The following SSB variants were observed in gnomAD, a reference collection of about 807,000 sequenced individuals.
SSB encodes the protein small RNA binding exonuclease protection factor La, also known as lupus La protein.
A neutral mutation model predicts 52.9 loss-of-function variants in SSB; 17 were observed. That is an observed-to-expected ratio of 0.32 (90% confidence interval 0.22 to 0.48). The LOEUF (loss-of-function observed/expected upper bound fraction) is 0.48. Among genes scored for constraint, SSB ranks in the 20% least tolerant of loss-of-function variants. The pLI, the probability that SSB is intolerant of heterozygous loss-of-function variation, is 0.99. For missense variants in SSB, 314 were observed against 463.6 expected (o/e 0.68, Z 2.96); for synonymous variants, 111 against 152.1 (o/e 0.73, Z 1.99).
intron 2 of SSB, among the ~76,000 whole-genome samples, chr2:169,802,176 ACT>A (rs1160373145): frequency 6.6e-6 from 1 of 152,060 alleles, no homozygotes; most frequent in Non-Finnish European, 1.5e-5. Flanking sequence ...AGAGCGAGAC[ACT>A]GTTTCAGGGG....
At position 169,808,896 on chromosome 2, in the gene SSB, T is replaced by C; in HGVS notation, c.663T>C (p.Ala221=). 1.3e-6 allele frequency: 2 copies of C among 1,598,828 alleles called. No homozygotes were observed. The highest frequency in any genetic ancestry group is 1.7e-6 in the Non-Finnish European group (2 of 1,166,630). The change falls in exon 8 of 12, where the codon GCT becomes GCC. Residue 221 remains alanine, a synonymous_variant. Transcript: ENST00000260956. ...CAAAACAAAAGTTAGAAGAAGATGC[T>C]GAAATGGTAAGTATATATTACTGCT... is the stretch of plus-strand genomic sequence containing the variant. ...QEAKQKLEED[A]EMKSLEEKIG...
chr2:169,804,570 G>GGAA (rs1689786475), intron 2 of SSB, among the ~76,000 whole-genome samples: 1 of 150,836 alleles, frequency 6.6e-6, no homozygotes, highest in Non-Finnish European at 1.5e-5. Flanking sequence ...TTTTTGAGAT[G>GGAA]GAGTCTCACT....
chr2:169,803,044 A>G (rs1689744458), intron 2 of SSB, among the ~76,000 whole-genome samples: 4 of 152,170 alleles, frequency 2.6e-5, no homozygotes, highest in Admixed American at 2.6e-4. Flanking sequence ...TGGCTCAAGG[A>G]TTATGCACAT....
intron 2 of SSB, among the ~76,000 whole-genome samples, chr2:169,803,831 C>A (rs1057099015): frequency 6.6e-6 from 1 of 151,890 alleles, no homozygotes; most frequent in Non-Finnish European, 1.5e-5. Flanking sequence ...CTCCACCTCC[C>A]GGGTTCAAGC....
In SSB at chr2:169,811,589, AT is replaced by A. The variant is rs761106598; in HGVS notation, c.1139-77del. 3.5e-5 allele frequency: 54 copies of A among 1,538,954 alleles called. No homozygotes were observed. The East Asian group carries it at 7.3e-4, about 21-fold the overall frequency. ...TTGTTGCATCTTTTTCAACAGTATCATTATTAGTAATTGTGCTCAGTATTAA... is the reference window on the plus strand; with the variant it reads ...TTGTTGCATCTTTTTCAACAGTATCATATTAGTAATTGTGCTCAGTATTAA... On this transcript the variant is annotated intron_variant, in intron 11 of 11. Transcript: ENST00000260956.
chr2:169,808,990 C>T lies in SSB; in HGVS notation c.669+88C>T, dbSNP rs536989038. The T allele has an allele frequency of 9.7e-5, 102 of 1,056,624 alleles. 1 individual carries two copies. The highest frequency in any genetic ancestry group is 2.0e-4 in the Middle Eastern group (1 of 4,952). 65.5% of individuals were successfully genotyped at this position (1,056,624 alleles called of 1,614,324 possible). On this transcript the variant is annotated intron_variant, in intron 8 of 11. Coordinates refer to ENST00000260956, the MANE Select transcript of SSB (RefSeq NM_003142.5). ...GTCTGAGGACTTTTTCAAGAAAATA[C>T]GTAAGCAAAGCTATCTATAGTTGTT...
At position 169,808,911 on chromosome 2, in the gene SSB, A is replaced by C; in HGVS notation, c.669+9A>C. 6.3e-7 allele frequency: 1 copy of C among 1,595,616 alleles called. No individual in the cohort carries two copies. Among genetic ancestry groups the C allele is most frequent in the Non-Finnish European group, 8.6e-7 (1 of 1,163,716 alleles). On this transcript the variant is annotated intron_variant, in intron 8 of 11. Coordinates refer to ENST00000260956, the MANE Select transcript of SSB (RefSeq NM_003142.5). ...AAGAAGATGCTGAAATGGTAAGTAT[A>C]TATTACTGCTATCTAGTACATCTGT...
At chr2:169,802,191 G>A (rs894790907) in intron 2 of SSB, among the ~76,000 whole-genome samples, 2 of 152,080 alleles carry the variant, frequency 1.3e-5, no homozygotes, top group African/African-American at 4.8e-5. Context: ...TTCAGGGGGC[G>A]AGGGGAAGAA....
intron 3 of SSB, 37 bp from the exon 4 acceptor site, chr2:169,805,628 T>C: frequency 6.2e-7 from 1 of 1,611,858 alleles, no homozygotes; most frequent in Non-Finnish European, 8.5e-7. Context: ...CAATGAGTGC[T>C]ACTGCTGAGT....
intron 1 of SSB, chr2:169,799,308 C>A (rs1689654515): frequency 6.8e-6 from 1 of 146,602 alleles, no homozygotes. Flanking sequence ...TTTACCTCCA[C>A]CGCCTTCTAG....
chr2:169,803,236 T>C (rs1374415031), intron 2 of SSB, among the ~76,000 whole-genome samples: 1 of 152,184 alleles, frequency 6.6e-6, no homozygotes, highest in Non-Finnish European at 1.5e-5. Flanking sequence ...TTGGATTTTT[T>C]TTTTAGTTTA....
At chr2:169,805,947 T>C (rs1368617401) in intron 4 of SSB, 108 bp downstream of exon 4, 1 of 1,076,770 alleles carries the variant, frequency 9.3e-7, no homozygotes, top group South Asian at 1.5e-5. Flanking sequence ...GTATGTCCTT[T>C]CGTAATATTC....
At chr2:169,811,401 T>C (rs60539542) in intron 11 of SSB, 78 bp downstream of exon 11, 61,671 of 1,455,680 alleles carry the variant, frequency 0.042, 1,676 homozygotes, top group African/African-American at 0.13. Flanking sequence ...CCAGAGAGAA[T>C]AGGGATTTGG....
Position 169,808,549 on chromosome 2 carries a change from A to C in SSB, c.622A>C (p.Lys208Gln). The C allele has an allele frequency of 1.9e-6, 3 of 1,608,884 alleles. No homozygotes were observed. Among genetic ancestry groups the C allele is most frequent in the Non-Finnish European group, 1.7e-6 (2 of 1,175,522 alleles). The change falls in exon 7 of 12, where the codon AAA becomes CAA. Residue 208 changes from lysine (K) to glutamine (Q), a missense_variant. Transcript: ENST00000260956. Reference protein sequence around the residue: ...QNKVEAKLRAKQEQEAKQKLE... With the variant: ...QNKVEAKLRAQQEQEAKQKLE... ...TAAAGTGGAAGCTAAATTAAGAGCT[A>C]AACAGTAAGTATGTTGAACTAATCA...
intron 8 of SSB, chr2:169,810,041 G>T (rs1307948786): frequency 4.0e-6 from 1 of 251,792 alleles, no homozygotes; most frequent in Non-Finnish European, 7.3e-6. Context: ...AATATTGAAA[G>T]CCATTTTGGA....
intron 6 of SSB, 40 bp from the exon 7 acceptor site, chr2:169,808,442 T>C (rs1558972093): frequency 1.3e-6 from 2 of 1,526,018 alleles, no homozygotes; most frequent in Admixed American, 3.4e-5. Flanking sequence ...GTCTTAACTT[T>C]GTTCTCGTGA....
At chr2:169,808,662 G>A in intron 7 of SSB, 109 bp downstream of exon 7, 1 of 1,103,394 alleles carries the variant, frequency 9.1e-7, no homozygotes, top group Non-Finnish European at 1.3e-6. Context: ...CTTTGCTAGT[G>A]AAACACTGAG....
In SSB at chr2:169,808,864, C is replaced by A; in HGVS notation, c.631C>A (p.Gln211Lys). ...TAATTATATTTTTATTTGTAGGGAG[C>A]AAGAAGCAAAACAAAAGTTAGAAGA... ...VEAKLRAKQEQEAKQKLEEDA... is the reference protein window; with the variant it reads ...VEAKLRAKQEKEAKQKLEEDA... The change falls in exon 8 of 12, where the codon CAA becomes AAA. Residue 211 changes from glutamine to lysine, a missense_variant. Gln to Lys is a moderately conservative substitution (Grantham distance 53). Transcript: ENST00000260956. 1 of 1,591,690 alleles carries A rather than the reference C, an allele frequency of 6.3e-7. No homozygotes were observed. The highest frequency in any genetic ancestry group is 1.3e-5 in the African/African-American group (1 of 74,150).
intron 1 of SSB, among the ~76,000 whole-genome samples, chr2:169,800,186 T>C (rs910836670): frequency 1.3e-5 from 2 of 152,186 alleles, no homozygotes; most frequent in African/African-American, 4.8e-5. Context: ...CTTAAAGTTA[T>C]GATGTCTAAC....
Sources: gnomAD v4.1 joint callset for allele counts (sites outside exome capture counted in the v4.1 genomes callset) on GRCh38, gnomAD v4.1.1 for gene constraint, MANE v1.5 for transcripts, NCBI Gene and HGNC (gene_info 2026-07-23, HGNC 2026-07-21) for gene names.